The following VIT variants were observed in gnomAD, a reference collection of about 807,000 sequenced individuals.
VIT encodes the protein vitrin.
In VIT, 99 loss-of-function variants were observed where a neutral mutation model predicts 78.0. The ratio of observed to expected loss-of-function variants is 1.27; its 90% CI spans 1.08 to 1.50. The LOEUF (loss-of-function observed/expected upper bound fraction) is 1.50, where lower values mean the gene tolerates loss of function less well. Among genes scored for constraint, VIT ranks in the 40% most tolerant of loss-of-function variants. The pLI is 0.00. For missense variants in VIT, 1,126 were observed against 875.3 expected (o/e 1.29, Z -3.61); for synonymous variants, 374 against 334.3 (o/e 1.12, Z -1.29).
chr2:36,743,031 C>G, intron 3 of VIT, 69 bp from the exon 4 acceptor site: 1 of 1,588,336 alleles, frequency 6.3e-7, no homozygotes, highest in East Asian at 2.2e-5. Context: ...TAGTTGAGAC[C>G]TAACAGTGTC....
intron 14 of VIT, 88 bp downstream of exon 14, chr2:36,805,752 T>G: frequency 7.2e-7 from 1 of 1,384,744 alleles, no homozygotes; most frequent in Non-Finnish European, 9.9e-7. Flanking sequence ...TTCCCATGCC[T>G]TTAAATGTGC....
At chr2:36,726,839 A>AAAAACAAAAC (rs1553364631) in intron 2 of VIT, among the ~76,000 whole-genome samples, 3 of 74,866 alleles carry the variant, frequency 4.0e-5, no homozygotes, top group Non-Finnish European at 5.5e-5. Context: ...AAAAAAAAAA[A>AAAAACAAAAC]AAAACAAAAC....
At chr2:36,700,995 T>G (rs60580226) in intron 1 of VIT, among the ~76,000 whole-genome samples, 4,177 of 149,466 alleles carry the variant, frequency 0.028, 67 homozygotes, top group African/African-American at 0.047. Flanking sequence ...AAAGTCATAC[T>G]CTTAACCTGC....
At position 36,808,907 on chromosome 2, in the gene VIT, A is replaced by T; in HGVS notation, c.1825A>T (p.Arg609Trp). ...QLFKKSKPNK[R>W]KLMILITDGR... ...CTTCAAGAAGTCCAAGCCCAACAAG[A>T]GGAAGTTAATGATCCTCATCACCGA... Residue 609 changes from arginine to tryptophan, a missense_variant, in exon 15 of 16, where the codon AGG (arginine) becomes TGG (tryptophan). By Grantham distance (101) the Arg-to-Trp change is moderately radical. Coordinates refer to ENST00000379242, the MANE Select transcript of VIT (RefSeq NM_053276.4). 3 of 1,614,034 alleles carry T rather than the reference A, an allele frequency of 1.9e-6. No individual in the cohort carries two copies. Among genetic ancestry groups the T allele is most frequent in the Non-Finnish European group, 2.5e-6 (3 of 1,179,958 alleles).
rs1340518723 is a variant in VIT, at chr2:36,790,954, A to G, written c.1058+3678A>G. ...TAGGTGAACTCTAGTAACGTGGCCA[A>G]ACACCTTGCATTTCAGCTGCATCCC... On this transcript the variant is annotated intron_variant, in intron 12 of 15. Transcript: ENST00000379242. Among the ~76,000 whole-genome samples, 10 of 152,336 alleles carry G rather than the reference A, an allele frequency of 6.6e-5. No individual in the cohort carries two copies. In the South Asian group the frequency reaches 1.9e-3, roughly 28 times the overall value.
intron 1 of VIT, among the ~76,000 whole-genome samples, chr2:36,702,503 T>C (rs949601975): frequency 6.6e-6 from 1 of 152,088 alleles, no homozygotes; most frequent in African/African-American, 2.4e-5. Context: ...CTTAAAAACG[T>C]AAAGATGATA....
chr2:36,725,206 A>G (rs2148472425), intron 2 of VIT, among the ~76,000 whole-genome samples: 1 of 152,324 alleles, frequency 6.6e-6, no homozygotes, highest in East Asian at 1.9e-4. Flanking sequence ...TAGTGCTAAC[A>G]GTCAGAATTG....
At position 36,771,525 on chromosome 2, in the gene VIT, C is replaced by CA. The variant is rs1228263784; in HGVS notation, c.680-2254dup. Among the ~76,000 whole-genome samples the CA allele has an allele frequency of 9.2e-3, 603 of 65,752 alleles. 6 individuals are homozygous for CA. Among genetic ancestry groups the CA allele is most frequent in the Admixed American group, 0.017 (101 of 5,870 alleles). The allele number at this position is 65,752 out of a possible 152,430, so 43.1% of individuals were successfully genotyped here. ...TGGGTAATAGAGTGAGACTTCATCT[C>CA]AAAAAAAAAAAAGAAAAAGAAAAAG... On this transcript the variant is annotated intron_variant, in intron 7 of 15. Coordinates refer to ENST00000379242, the MANE Select transcript of VIT (RefSeq NM_053276.4).
chr2:36,760,608 G>A (rs182471860), intron 6 of VIT, among the ~76,000 whole-genome samples: 90 of 152,302 alleles, frequency 5.9e-4, no homozygotes, highest in African/African-American at 2.1e-3. Flanking sequence ...TTAAGTGGCT[G>A]GCATCTCTGT....
chr2:36,780,058 C>G (rs1169275483), intron 9 of VIT, among the ~76,000 whole-genome samples: 1 of 152,210 alleles, frequency 6.6e-6, no homozygotes, highest in South Asian at 2.1e-4. Flanking sequence ...AATGTTCTCA[C>G]AAATTTACTT....
At chr2:36,766,723 T>C (rs760332625) in intron 6 of VIT, among the ~76,000 whole-genome samples, 20 of 152,026 alleles carry the variant, frequency 1.3e-4, no homozygotes, top group Non-Finnish European at 2.1e-4. Context: ...TGTCTTCTAT[T>C]CCAAGGCCAA....
chr2:36,711,230 C>G (rs78223609), intron 1 of VIT, among the ~76,000 whole-genome samples: 1,761 of 152,246 alleles, frequency 0.012, 33 homozygotes, highest in African/African-American at 0.041. Context: ...TTTATTTTCC[C>G]TGCTTAAATT....
At chr2:36,813,274 A>C (rs1264393874) in intron 15 of VIT, among the ~76,000 whole-genome samples, 1 of 151,828 alleles carries the variant, frequency 6.6e-6, no homozygotes, top group Non-Finnish European at 1.5e-5. Context: ...ACATGGTGAA[A>C]CCCTGTCTCT....
intron 4 of VIT, among the ~76,000 whole-genome samples, chr2:36,751,784 C>A (rs1210811094): frequency 6.6e-6 from 1 of 152,150 alleles, no homozygotes; most frequent in Non-Finnish European, 1.5e-5. Flanking sequence ...GCCACTGTGA[C>A]TTCCCAGACT....
intron 7 of VIT, among the ~76,000 whole-genome samples, chr2:36,767,747 A>T (rs1380795521): frequency 6.6e-6 from 1 of 152,178 alleles, no homozygotes; most frequent in East Asian, 1.9e-4. Flanking sequence ...TGCTCAAATC[A>T]TGTTGAAGGT....
At chr2:36,742,986 T>C in intron 3 of VIT, 114 bp from the exon 4 acceptor site, 3 of 1,339,884 alleles carry the variant, frequency 2.2e-6, no homozygotes, top group Admixed American at 4.3e-5. Flanking sequence ...GGATGTAGAG[T>C]CGGCCCAGGC....
At chr2:36,768,418 A>G (rs1294610095) in intron 7 of VIT, among the ~76,000 whole-genome samples, 1 of 152,208 alleles carries the variant, frequency 6.6e-6, no homozygotes, top group African/African-American at 2.4e-5. Context: ...GGTGACAGAA[A>G]GAGACTCCGT....
chr2:36,708,111 C>T (rs1401652493), intron 1 of VIT, among the ~76,000 whole-genome samples: 1 of 99,504 alleles, frequency 1.0e-5, no homozygotes, highest in African/African-American at 3.2e-5. Context: ...TAAAGGACCT[C>T]CCCCCCCCGC....
intron 1 of VIT, among the ~76,000 whole-genome samples, chr2:36,712,404 A>C (rs1665860339): frequency 6.6e-6 from 1 of 152,182 alleles, no homozygotes; most frequent in Non-Finnish European, 1.5e-5. Flanking sequence ...CATGACTCTA[A>C]AGTTGGAGGA....
Sources: allele counts gnomAD v4.1 joint callset (sites outside exome capture counted in the v4.1 genomes callset), GRCh38; gene constraint gnomAD v4.1.1; transcripts MANE v1.5; gene names NCBI Gene and HGNC (gene_info 2026-07-23, HGNC 2026-07-21).